The following PLXNA1 variants were observed in gnomAD, a reference collection of about 807,000 sequenced individuals.
The protein encoded by PLXNA1 is plexin-A1.
A neutral mutation model predicts 191.7 loss-of-function variants in PLXNA1; 77 were observed. The ratio of observed to expected loss-of-function variants is 0.40; its 90% CI spans 0.33 to 0.49. PLXNA1 has a LOEUF of 0.49. Among genes scored for constraint, PLXNA1 ranks in the 20% least tolerant of loss-of-function variants. The probability of loss-of-function intolerance (pLI) is 0.63; values close to 1 mark genes in which losing one functional copy is unlikely to be tolerated. For synonymous variants in PLXNA1, 1,137 were observed against 1,156.4 expected, an observed-to-expected ratio of 0.98 and a Z score of 0.34; for missense variants, 2,110 against 2,660.2, an observed-to-expected ratio of 0.79 and a Z score of 4.55.
At chr3:126,984,541 G>A (rs1180839867) in intron 1 of PLXNA1, among the ~76,000 whole-genome samples, 1 of 152,244 alleles carries the variant, frequency 6.6e-6, no homozygotes, top group Admixed American at 6.5e-5. Context: ...ATGCTGCCCG[G>A]CCCTTGAGGA....
At chr3:126,996,735 G>A (rs562606846) in intron 3 of PLXNA1, among the ~76,000 whole-genome samples, 7 of 152,320 alleles carry the variant, frequency 4.6e-5, no homozygotes, top group South Asian at 2.1e-4. Flanking sequence ...GGAGGGACAA[G>A]GGGAGTTGAT....
In PLXNA1 at chr3:126,989,820, G is replaced by T. The variant is rs369556431; in HGVS notation, c.1194+33G>T. ...GGGCAGGGGCGCCCCTCCTCCCGCG[G>T]CCCCATCCCCTCCAGGGACGACGGC... On this transcript the variant is annotated intron_variant, in intron 2 of 31. Coordinates refer to ENST00000393409, the MANE Select transcript of PLXNA1 (RefSeq NM_032242.4). 264 of 1,541,254 alleles carry T rather than the reference G, an allele frequency of 1.7e-4. 1 individual carries two copies. Among genetic ancestry groups the T allele is most frequent in the Admixed American group, 5.6e-4 (32 of 56,706 alleles).
chr3:127,008,962 G>A (rs920299499), intron 9 of PLXNA1, among the ~76,000 whole-genome samples: 3 of 152,174 alleles, frequency 2.0e-5, no homozygotes, highest in African/African-American at 7.2e-5. Flanking sequence ...GCAGGAGCCA[G>A]GGACACAGTG....
chr3:127,007,579 G>A (rs2079075047), intron 8 of PLXNA1, among the ~76,000 whole-genome samples: 1 of 152,162 alleles, frequency 6.6e-6, no homozygotes. Context: ...CAAGAAGGTG[G>A]GGAGGCAAGA....
chr3:126,994,946 A>C (rs973824432), intron 3 of PLXNA1, among the ~76,000 whole-genome samples: 16 of 151,532 alleles, frequency 1.1e-4, no homozygotes, highest in African/African-American at 3.9e-4. Flanking sequence ...TGCCTTCTTC[A>C]CTTGGTCTCC....
At chr3:127,024,780 C>CT (rs1408092563) in intron 23 of PLXNA1, among the ~76,000 whole-genome samples, 5 of 152,184 alleles carry the variant, frequency 3.3e-5, no homozygotes, top group Admixed American at 6.5e-5. Flanking sequence ...GACAGACATG[C>CT]TGGAGCTGGG....
At position 127,005,227 on chromosome 3, in the gene PLXNA1, C is replaced by A. The variant is rs1358889513; in HGVS notation, c.1881C>A (p.Pro627=). 6.2e-7 allele frequency: 1 copy of A among 1,608,832 alleles called. No individual in the cohort carries two copies. The highest frequency in any genetic ancestry group is 1.7e-4 in the Middle Eastern group (1 of 6,058). Residue 627 remains proline, a synonymous_variant, in exon 7 of 32, where the codon CCC becomes CCA. Coordinates refer to ENST00000393409, the MANE Select transcript of PLXNA1 (RefSeq NM_032242.4). ...CRSPSAREVA[P]ITRGQGDQRV... The stretch of plus-strand genomic sequence containing the variant: ...CACCCTCCGCCCGGGAGGTGGCGCC[C>A]ATCACGCGGGGCCAGGGTGAGTGGC...
intron 15 of PLXNA1, among the ~76,000 whole-genome samples, chr3:127,016,050 GAGAC>G (rs1277201571): frequency 6.6e-6 from 1 of 152,168 alleles, no homozygotes; most frequent in African/African-American, 2.4e-5. Context: ...GGCTGGCCCT[GAGAC>G]AGGCAGGGAA....
At chr3:127,007,082 G>T (rs2079073103) in intron 8 of PLXNA1, among the ~76,000 whole-genome samples, 1 of 152,242 alleles carries the variant, frequency 6.6e-6, no homozygotes, top group Admixed American at 6.5e-5. Context: ...TCCCAGGTGG[G>T]GTGGGGGATC....
At position 127,030,071 on chromosome 3, in the gene PLXNA1, C is replaced by T. The variant is rs754617162; in HGVS notation, c.5061+7C>T. 6.2e-6 allele frequency: 10 copies of T among 1,609,182 alleles called. No homozygotes were observed. The African/African-American group carries it at 1.3e-4, about 21-fold the overall frequency. On this transcript the variant is annotated splice_region_variant and intron_variant, in intron 28 of 31. Coordinates refer to ENST00000393409, the MANE Select transcript of PLXNA1 (RefSeq NM_032242.4). Reference sequence around the variant, plus strand: ...ACGGCTACTGGCCACCAAGGTGGGCCTGGCTGGCAGATGGGGGCAGGGGAC... The same window carrying T: ...ACGGCTACTGGCCACCAAGGTGGGCTTGGCTGGCAGATGGGGGCAGGGGAC...
At chr3:127,017,990 C>T in intron 19 of PLXNA1, 98 bp downstream of exon 19, 1 of 1,499,520 alleles carries the variant, frequency 6.7e-7, no homozygotes, top group Non-Finnish European at 9.0e-7. Flanking sequence ...TTGCCCGAGA[C>T]TCACCCCTAG....
Position 126,989,723 on chromosome 3 carries a change from A to G in PLXNA1, c.1130A>G (p.Tyr377Cys). ...ATTAAGGAGCGCATCCAGTCCTGCT[A>G]CCGTGGTGAGGGCAAGCTCTCCCTG... The part of the protein sequence containing the change: ...EKIKERIQSC[Y>C]RGEGKLSLPW... The change falls in exon 2 of 32, where the codon TAC becomes TGC. Residue 377 changes from tyrosine (Y) to cysteine (C), a missense_variant. Tyr to Cys is a radical substitution (Grantham distance 194, BLOSUM62 -2). Transcript: ENST00000393409. 1 of 1,613,076 alleles carries G rather than the reference A, an allele frequency of 6.2e-7. No individual in the cohort carries two copies. Among genetic ancestry groups the G allele is most frequent in the Non-Finnish European group, 8.5e-7 (1 of 1,180,000 alleles).
In PLXNA1 at chr3:126,989,758, C is replaced by CA; in HGVS notation, c.1165_1166insA (p.Leu389HisfsTer16). ...GGGCAAGCTCTCCCTGCCGTGGCTG[C>CA]TCAACAAGGAGCTGGGCTGCATCAA... On this transcript the variant is annotated frameshift_variant, in exon 2 of 32. Transcript: ENST00000393409. LOFTEE classifies it high-confidence loss of function. 1 of 1,611,288 alleles carries CA rather than the reference C, an allele frequency of 6.2e-7. No homozygotes were observed. Among genetic ancestry groups the CA allele is most frequent in the Non-Finnish European group, 8.5e-7 (1 of 1,178,956 alleles).
intron 1 of PLXNA1, among the ~76,000 whole-genome samples, chr3:126,987,953 G>T (rs2078967917): frequency 6.6e-6 from 1 of 152,156 alleles, no homozygotes. Context: ...CCTCCGTGGT[G>T]CCTCTGCTGT....
intron 29 of PLXNA1, among the ~76,000 whole-genome samples, chr3:127,031,471 C>T (rs893371162): frequency 6.6e-6 from 1 of 152,196 alleles, no homozygotes; most frequent in African/African-American, 2.4e-5. Flanking sequence ...CCCTCCTCAC[C>T]GTGCATCCTG....
rs371434286 is a variant in PLXNA1, at chr3:126,991,546, C to A, written c.1357C>A (p.Arg453=). ...RGRTVVFAGT[R]SGRIRKILVD... is the part of the protein sequence containing the mutation. ...CCGCACTGTGGTATTCGCCGGCACG[C>A]GAAGTGGCCGCATCCGCAAGGTCAG... is the stretch of plus-strand genomic sequence containing the variant. Residue 453 remains arginine (R), a synonymous_variant, in exon 3 of 32, where the codon CGA becomes AGA. Transcript: ENST00000393409. 1 of 1,582,692 alleles carries A rather than the reference C, an allele frequency of 6.3e-7. No homozygotes were observed. The highest frequency in any genetic ancestry group is 1.3e-5 in the African/African-American group (1 of 74,424).
chr3:127,018,449 A>C lies in PLXNA1; in HGVS notation c.3816A>C (p.Arg1272=). ...AVLIAYKRKS[R]DADRTLKRLQ... is the part of the protein sequence containing the mutation. Reference sequence around the variant, plus strand: ...TCATCGCCTACAAGCGCAAGTCACGAGATGCTGACCGCACACTCAAGCGGC... The same window carrying C: ...TCATCGCCTACAAGCGCAAGTCACGCGATGCTGACCGCACACTCAAGCGGC... Residue 1272 remains arginine (R), a synonymous_variant, in exon 20 of 32, where the codon CGA becomes CGC. Transcript: ENST00000393409. 1 of 1,613,046 alleles carries C rather than the reference A, an allele frequency of 6.2e-7. No individual in the cohort carries two copies. Among genetic ancestry groups the C allele is most frequent in the Non-Finnish European group, 8.5e-7 (1 of 1,179,986 alleles).
intron 23 of PLXNA1, among the ~76,000 whole-genome samples, chr3:127,024,773 A>G (rs949840183): frequency 1.8e-4 from 27 of 152,182 alleles, no homozygotes; most frequent in African/African-American, 6.5e-4. Flanking sequence ...AGGCGCAGAC[A>G]GACATGCTGG....
chr3:126,988,571 G>C lies in PLXNA1; in HGVS notation c.-23G>C, dbSNP rs921979100. The C allele has an allele frequency of 4.8e-6, 7 of 1,464,930 alleles. No homozygotes were observed. The highest frequency in any genetic ancestry group is 6.3e-6 in the Non-Finnish European group (7 of 1,112,404). 90.7% of individuals were successfully genotyped at this position (1,464,930 alleles called of 1,614,324 possible). A position where few individuals can be genotyped will look rare whatever the true frequency, so the allele number is the denominator to read the frequency against. On this transcript the variant is annotated 5_prime_UTR_variant, in exon 2 of 32. Coordinates refer to ENST00000393409, the MANE Select transcript of PLXNA1 (RefSeq NM_032242.4). ...CTCACCCCAGCAGGACCAGAGCACC[G>C]AGGCCCAAGGCCCCAGCCTGCCATG...
Sources: gnomAD v4.1 joint callset for allele counts (sites outside exome capture counted in the v4.1 genomes callset) on GRCh38, gnomAD v4.1.1 for gene constraint, MANE v1.5 for transcripts, NCBI Gene and HGNC (gene_info 2026-07-23, HGNC 2026-07-21) for gene names.